The following COP1 variants were observed in gnomAD, a reference collection of about 807,000 sequenced individuals.
COP1 encodes E3 ubiquitin-protein ligase COP1.
COP1 carries 24 observed loss-of-function variants against 101.3 expected under a neutral mutation model. That is an observed-to-expected ratio of 0.24 (90% CI 0.17 to 0.33). The LOEUF is 0.33. COP1 is among the 10% of genes least tolerant of loss of function. COP1 has a pLI of 1.00. For synonymous variants in COP1, 347 were observed against 341.9 expected, an observed-to-expected ratio of 1.01 and a Z score of -0.17; for missense variants, 663 against 906.2, an observed-to-expected ratio of 0.73 and a Z score of 3.45.
intron 1 of COP1, among the ~76,000 whole-genome samples, chr1:176,193,844 T>TA (rs1244491613): frequency 1.3e-5 from 2 of 152,152 alleles, no homozygotes; most frequent in Non-Finnish European, 2.9e-5. Flanking sequence ...TAGGGGCTGA[T>TA]AAAAATGTTC....
chr1:176,017,022 T>C (rs1484351633), intron 15 of COP1, among the ~76,000 whole-genome samples: 1 of 152,174 alleles, frequency 6.6e-6, no homozygotes, highest in East Asian at 1.9e-4. Context: ...CCTGTAGGAT[T>C]ACTGTAAAAA....
intron 11 of COP1, among the ~76,000 whole-genome samples, chr1:176,072,768 AC>A (rs1206784924): frequency 6.6e-6 from 1 of 151,212 alleles, no homozygotes; most frequent in Non-Finnish European, 1.5e-5. Context: ...GATCCTTGTA[AC>A]TATCATAGAA....
At chr1:176,019,766 C>A (rs187145018) in intron 15 of COP1, among the ~76,000 whole-genome samples, 6 of 151,482 alleles carry the variant, frequency 4.0e-5, no homozygotes, top group African/African-American at 1.5e-4. Flanking sequence ...GAGGCTGAGG[C>A]GGGAGAGTCA....
intron 5 of COP1, among the ~76,000 whole-genome samples, chr1:176,158,630 C>CT (rs35518162): frequency 0.12 from 9,907 of 79,346 alleles, 736 homozygotes; most frequent in Middle Eastern, 0.18. Flanking sequence ...TTTTAAGGTT[C>CT]TTTTTTTTTT....
chr1:176,135,166 T>C, intron 7 of COP1, 80 bp from the exon 8 acceptor site: 1 of 925,602 alleles, frequency 1.1e-6, no homozygotes, highest in Non-Finnish European at 1.7e-6. Context: ...GATATATTCC[T>C]TTCTATTCCC....
At chr1:176,138,067 A>T (rs1690085809) in intron 6 of COP1, among the ~76,000 whole-genome samples, 1 of 152,204 alleles carries the variant, frequency 6.6e-6, no homozygotes, top group Non-Finnish European at 1.5e-5. Context: ...GATAACTAAA[A>T]TTTGATTGAA....
intron 3 of COP1, among the ~76,000 whole-genome samples, chr1:176,171,472 T>C (rs1262694251): frequency 1.3e-5 from 2 of 152,174 alleles, no homozygotes; most frequent in African/African-American, 4.8e-5. Flanking sequence ...ACTTTCTCCA[T>C]ATCAGCAATA....
chr1:176,015,930 T>A (rs1303153033), intron 15 of COP1, among the ~76,000 whole-genome samples: 6 of 152,142 alleles, frequency 3.9e-5, no homozygotes, highest in East Asian at 1.9e-4. Flanking sequence ...ATGATTTTTT[T>A]AAAAAGAGGA....
intron 1 of COP1, among the ~76,000 whole-genome samples, chr1:176,204,159 G>A (rs570515455): frequency 3.2e-4 from 49 of 152,256 alleles, no homozygotes; most frequent in African/African-American, 9.4e-4. Context: ...GGAAATCTGA[G>A]TTCTCATTTT....
rs190475546 is a variant in COP1 at position 176,057,176 on chromosome 1, A to G, written c.1278-10852T>C. On this transcript the variant is annotated intron_variant, in intron 11 of 19. Coordinates refer to ENST00000367669, the MANE Select transcript of COP1 (RefSeq NM_022457.7). Reference sequence around the variant, plus strand: ...AGGTGTAAGAATCTTATTATCCATTATATTGTCTAATGCAGGTATACCTGC... The same window carrying G: ...AGGTGTAAGAATCTTATTATCCATTGTATTGTCTAATGCAGGTATACCTGC... Among the ~76,000 whole-genome samples, 34 of 152,306 alleles carry G rather than the reference A, an allele frequency of 2.2e-4. No homozygotes were observed. In the East Asian group the frequency reaches 6.2e-3, roughly 28 times the overall value.
At chr1:175,983,704 T>C (rs1233518924) in intron 18 of COP1, among the ~76,000 whole-genome samples, 1 of 152,184 alleles carries the variant, frequency 6.6e-6, no homozygotes, top group Non-Finnish European at 1.5e-5. Flanking sequence ...TAGAGACTTG[T>C]TCAATGGCTT....
Position 176,043,164 on chromosome 1 carries a change from G to A in COP1, c.1612+22C>T, listed in dbSNP as rs773232705. The A allele has an allele frequency of 8.7e-6, 13 of 1,501,074 alleles. No individual in the cohort carries two copies. The Admixed American group carries it at 1.7e-4, about 20-fold the overall frequency. 93.0% of individuals were successfully genotyped at this position (1,501,074 alleles called of 1,614,324 possible). ...AGAGGGCCAGGGAGAAGGAGGTGCT[G>A]AGAAAGAGATTCAAACAGTACCTTT... On this transcript the variant is annotated intron_variant, in intron 14 of 19. Transcript: ENST00000367669.
chr1:176,085,099 T>G (rs1679898161), intron 10 of COP1, among the ~76,000 whole-genome samples: 1 of 152,168 alleles, frequency 6.6e-6, no homozygotes, highest in Non-Finnish European at 1.5e-5. Flanking sequence ...TATCATATGC[T>G]ATCACATCCA....
chr1:176,008,872 G>A (rs1557912094), intron 15 of COP1, among the ~76,000 whole-genome samples: 1 of 152,232 alleles, frequency 6.6e-6, no homozygotes, highest in Non-Finnish European at 1.5e-5. Context: ...GTCCAGCTGA[G>A]TAGGAGTTGT....
intron 9 of COP1, among the ~76,000 whole-genome samples, chr1:176,109,556 AACTTT>A (rs1684927161): frequency 6.6e-6 from 1 of 152,168 alleles, no homozygotes; most frequent in South Asian, 2.1e-4. Flanking sequence ...TGTACTAATG[AACTTT>A]ACAATGTTAA....
rs186293410 is a variant in COP1 at position 175,994,896 on chromosome 1, T to C, written c.1730-5417A>G. Among the ~76,000 whole-genome samples, 227 of 152,322 alleles carry C rather than the reference T, an allele frequency of 1.5e-3. 2 individuals are homozygous for C. Among genetic ancestry groups the C allele is most frequent in the African/African-American group, 5.1e-3 (212 of 41,554 alleles). On this transcript the variant is annotated intron_variant, in intron 15 of 19. Coordinates refer to ENST00000367669, the MANE Select transcript of COP1 (RefSeq NM_022457.7). ...AACTCAGCTCTGCACCAAGCAGACT[T>C]AATGGACATCTACAGAACTCTCCAC...
At chr1:175,955,150 G>C (rs940698339) in intron 18 of COP1, among the ~76,000 whole-genome samples, 2 of 152,102 alleles carry the variant, frequency 1.3e-5, no homozygotes, top group East Asian at 3.9e-4. Context: ...AGAAGGTTGA[G>C]GTGGGAGAAT....
At chr1:176,131,635 T>C (rs1688911964) in intron 8 of COP1, among the ~76,000 whole-genome samples, 1 of 151,858 alleles carries the variant, frequency 6.6e-6, no homozygotes, top group African/African-American at 2.4e-5. Context: ...ATAAAGCTAA[T>C]AATTCTGAAA....
intron 9 of COP1, among the ~76,000 whole-genome samples, chr1:176,105,846 T>C (rs994992644): frequency 1.3e-5 from 2 of 152,192 alleles, no homozygotes; most frequent in African/African-American, 2.4e-5. Flanking sequence ...GCTGGTCACA[T>C]AACCAAAATG....
Sources: gnomAD v4.1 joint callset for allele counts (sites outside exome capture counted in the v4.1 genomes callset) on GRCh38, gnomAD v4.1.1 for gene constraint, MANE v1.5 for transcripts, NCBI Gene and HGNC (gene_info 2026-07-23, HGNC 2026-07-21) for gene names.